Variants in FAT3 observed in about 807,000 individuals in gnomAD.
FAT3 encodes protocadherin Fat 3.
Under a neutral mutation model 310.2 loss-of-function variants are expected in FAT3, and 95 were observed. The ratio of observed to expected loss-of-function variants is 0.31; its 90% CI spans 0.26 to 0.36. The LOEUF is 0.36. Among genes scored for constraint, FAT3 ranks in the 10% least tolerant of loss-of-function variants. The pLI is 1.00. For missense variants in FAT3, 5,408 were observed against 5,715.6 expected (o/e 0.95, Z 1.74); for synonymous variants, 2,314 against 2,192.9 (o/e 1.06, Z -1.54).
At chr11:92,519,595 T>TG (rs931804548) in intron 2 of FAT3, among the ~76,000 whole-genome samples, 16 of 152,036 alleles carry the variant, frequency 1.1e-4, no homozygotes, top group Admixed American at 2.6e-4. Flanking sequence ...AGCCACAGAC[T>TG]GGGGGGGAAG....
At chr11:92,807,236 A>C (rs1267145725) in intron 12 of FAT3, among the ~76,000 whole-genome samples, 6 of 152,148 alleles carry the variant, frequency 3.9e-5, no homozygotes, top group Admixed American at 1.3e-4. Context: ...GAAATAAGAG[A>C]AAGTTTGAAA....
intron 3 of FAT3, chr11:92,559,392 T>TC: frequency 5.1e-6 from 1 of 195,032 alleles, no homozygotes; most frequent in Non-Finnish European, 1.1e-5. Flanking sequence ...CCTTTTTTTT[T>TC]TTTTTTTTTT....
intron 3 of FAT3, among the ~76,000 whole-genome samples, chr11:92,562,251 T>A (rs373770930): frequency 6.6e-6 from 1 of 152,212 alleles, no homozygotes; most frequent in East Asian, 1.9e-4. Context: ...TACCTCCTAT[T>A]TGTATCATAT....
At chr11:92,802,257 T>C (rs1947381700) in intron 10 of FAT3, among the ~76,000 whole-genome samples, 1 of 152,202 alleles carries the variant, frequency 6.6e-6, no homozygotes, top group Admixed American at 6.5e-5. Flanking sequence ...TTTAAGCATG[T>C]TCCTTTTTTC....
At chr11:92,658,498 C>T (rs1308336814) in intron 3 of FAT3, among the ~76,000 whole-genome samples, 2 of 152,076 alleles carry the variant, frequency 1.3e-5, no homozygotes, top group East Asian at 1.9e-4. Flanking sequence ...CAAGACAGGG[C>T]TTGCTTGGTA....
At chr11:92,582,957 G>A (rs929240406) in intron 3 of FAT3, among the ~76,000 whole-genome samples, 2 of 151,938 alleles carry the variant, frequency 1.3e-5, no homozygotes, top group Admixed American at 1.3e-4. Flanking sequence ...CATTGTGCAC[G>A]ATAAGGTACC....
chr11:92,262,598 G>A (rs1199749829), intron 1 of FAT3, among the ~76,000 whole-genome samples: 1 of 152,056 alleles, frequency 6.6e-6, no homozygotes, highest in African/African-American at 2.4e-5. Context: ...TGGAGTTTTT[G>A]CTAGACCTCT....
intron 1 of FAT3, among the ~76,000 whole-genome samples, chr11:92,290,206 C>T (rs1255003709): frequency 6.6e-6 from 1 of 152,042 alleles, no homozygotes; most frequent in Non-Finnish European, 1.5e-5. Context: ...TTCCTGCCTT[C>T]TTTCTCTCTA....
intron 3 of FAT3, among the ~76,000 whole-genome samples, chr11:92,577,253 C>T (rs520890): frequency 0.74 from 112,458 of 151,570 alleles, 43,984 homozygotes; most frequent in Non-Finnish European, 0.88. Context: ...GGATTACAGG[C>T]GGTCGCCAAC....
chr11:92,336,924 A>T (rs972692192), intron 1 of FAT3, among the ~76,000 whole-genome samples: 9 of 152,160 alleles, frequency 5.9e-5, no homozygotes, highest in Admixed American at 1.3e-4. Context: ...TAGTATTATA[A>T]CCACTTACTT....
At chr11:92,672,940 G>A (rs1033047610) in intron 3 of FAT3, among the ~76,000 whole-genome samples, 5 of 152,222 alleles carry the variant, frequency 3.3e-5, no homozygotes, top group African/African-American at 1.2e-4. Flanking sequence ...GCTGTAAGGA[G>A]AATTCAGGTA....
At chr11:92,515,761 A>G (rs1294772511) in intron 2 of FAT3, among the ~76,000 whole-genome samples, 1 of 152,104 alleles carries the variant, frequency 6.6e-6, no homozygotes, top group East Asian at 1.9e-4. Context: ...GAATTAATGA[A>G]GACTGAATTT....
At chr11:92,360,668 A>G (rs541473521) in intron 2 of FAT3, among the ~76,000 whole-genome samples, 4 of 152,316 alleles carry the variant, frequency 2.6e-5, no homozygotes, top group Admixed American at 6.5e-5. Flanking sequence ...GAGATGAAAA[A>G]TTTCCAATTG....
chr11:92,225,237 C>G (rs1295059267), intron 1 of FAT3, among the ~76,000 whole-genome samples, 63 bp downstream of exon 1: 4 of 152,182 alleles, frequency 2.6e-5, no homozygotes, highest in Admixed American at 6.5e-5. Context: ...GCGCGCCTGC[C>G]GGAGCACAGC....
chr11:92,469,536 A>G (rs1209021178), intron 2 of FAT3, among the ~76,000 whole-genome samples: 1 of 150,472 alleles, frequency 6.6e-6, no homozygotes, highest in Non-Finnish European at 1.5e-5. Flanking sequence ...TTTTTTTGAG[A>G]TGGAATCTCA....
At chr11:92,788,997 T>C (rs1946969790) in intron 7 of FAT3, among the ~76,000 whole-genome samples, 1 of 152,172 alleles carries the variant, frequency 6.6e-6, no homozygotes, top group African/African-American at 2.4e-5. Flanking sequence ...TAAAAGATTA[T>C]GAATATATAT....
At chr11:92,583,945 T>A (rs954822685) in intron 3 of FAT3, among the ~76,000 whole-genome samples, 1 of 152,044 alleles carries the variant, frequency 6.6e-6, no homozygotes, top group Admixed American at 6.6e-5. Flanking sequence ...TTTCTTTTGG[T>A]ACTAAACGAA....
chr11:92,343,422 G>A (rs903289861), intron 1 of FAT3, among the ~76,000 whole-genome samples: 19 of 152,148 alleles, frequency 1.2e-4, no homozygotes, highest in African/African-American at 3.6e-4. Context: ...TAGAGCTCAG[G>A]GTAGACAAGC....
intron 25 of FAT3, among the ~76,000 whole-genome samples, chr11:92,887,542 C>T (rs1949824620): frequency 6.6e-6 from 1 of 152,184 alleles, no homozygotes; most frequent in Non-Finnish European, 1.5e-5. Flanking sequence ...CTTATAGAAC[C>T]AGTGGAATCT....
Sources: gnomAD v4.1 joint callset for allele counts (sites outside exome capture counted in the v4.1 genomes callset) on GRCh38, gnomAD v4.1.1 for gene constraint, MANE v1.5 for transcripts, NCBI Gene and HGNC (gene_info 2026-07-23, HGNC 2026-07-21) for gene names.